Variants in RAI1 observed in about 807,000 individuals in gnomAD.
RAI1 encodes retinoic acid induced 1.
Under a neutral mutation model 123.8 loss-of-function variants are expected in RAI1, and 9 were observed. The ratio of observed to expected loss-of-function variants is 0.07; its 90% confidence interval spans 0.04 to 0.13. The LOEUF is 0.13. Among genes scored for constraint, RAI1 ranks in the 10% least tolerant of loss-of-function variants. RAI1 has a pLI of 1.00. For missense variants in RAI1, 2,256 were observed against 2,545.8 expected, an observed-to-expected ratio of 0.89 and a Z score of 2.45; for synonymous variants, 1,231 against 1,127.3, an observed-to-expected ratio of 1.09 and a Z score of -1.84.
chr17:17,792,154 T>C (rs935172317), intron 2 of RAI1, among the ~76,000 whole-genome samples: 1 of 152,142 alleles, frequency 6.6e-6, no homozygotes, highest in Non-Finnish European at 1.5e-5. Context: ...ACGTATGATA[T>C]CAAAAACAGG....
intron 1 of RAI1, among the ~76,000 whole-genome samples, chr17:17,716,692 T>C (rs1331184063): frequency 6.6e-6 from 1 of 152,026 alleles, no homozygotes; most frequent in African/African-American, 2.4e-5. Context: ...TGTTTTGTGT[T>C]GGGTGTGTCT....
In RAI1 at chr17:17,738,474, G is replaced by A. The variant is rs1189021723; in HGVS notation, c.-17+14315G>A. Among the ~76,000 whole-genome samples, 5 of 152,202 alleles carry A rather than the reference G, an allele frequency of 3.3e-5. No homozygotes were observed. The South Asian group carries it at 8.3e-4, about 25-fold the overall frequency. ...TGCGGTCAGGCTGGGAGGAGCCTCC[G>A]CCACCTGGGTGGTCCCTGCTGCCCT... On this transcript the variant is annotated intron_variant, in intron 2 of 5. Transcript: ENST00000353383.
intron 1 of RAI1, among the ~76,000 whole-genome samples, chr17:17,701,307 G>T (rs576443553): frequency 4.6e-5 from 7 of 152,316 alleles, no homozygotes; most frequent in Admixed American, 1.3e-4. Flanking sequence ...CTGCACTGCT[G>T]CCCTGAGCCT....
chr17:17,684,899 GCCATTTA>G (rs1040572923), intron 1 of RAI1: 4 of 152,078 alleles, frequency 2.6e-5, no homozygotes, highest in African/African-American at 9.7e-5. Context: ...TACTGAACAG[GCCATTTA>G]CCTCTCTGTG....
intron 2 of RAI1, among the ~76,000 whole-genome samples, chr17:17,788,005 C>A (rs932535752): frequency 2.6e-5 from 4 of 152,184 alleles, no homozygotes; most frequent in Admixed American, 1.3e-4. Context: ...AGGGCTCCCC[C>A]AACCTCAACT....
At position 17,810,256 on chromosome 17, in the gene RAI1, G is replaced by C. The variant is rs548320882; in HGVS notation, c.*275G>C. On this transcript the variant is annotated 3_prime_UTR_variant, in exon 6 of 6. Coordinates refer to ENST00000353383, the MANE Select transcript of RAI1 (RefSeq NM_030665.4). This position sits in a 1 kb window ranked among gnomAD's most constrained non-coding sequence, Gnocchi z 4.6. ...CACCCCAGGGGCCAGGCTTGCGGAG[G>C]GGGAGCCCGCGGAGCGGCCAGACTC... 2 of 514,374 alleles carry C rather than the reference G, an allele frequency of 3.9e-6. No individual in the cohort carries two copies. The highest frequency in any genetic ancestry group is 3.8e-5 in the Admixed American group (1 of 26,562). 31.9% of individuals were successfully genotyped at this position (514,374 alleles called of 1,614,324 possible). A position where few individuals can be genotyped will look rare whatever the true frequency, so the allele number is the denominator to read the frequency against.
rs1157307616 is a variant in RAI1 at position 17,796,784 on chromosome 17, C to A, written c.3836C>A (p.Ala1279Asp). 6.2e-7 allele frequency: 1 copy of A among 1,612,776 alleles called. No individual in the cohort carries two copies. Among genetic ancestry groups the A allele is most frequent in the Non-Finnish European group, 8.5e-7 (1 of 1,179,682 alleles). Residue 1279 changes from alanine (A) to aspartate (D), a missense_variant, in exon 3 of 6, where the codon GCC becomes GAC. Ala to Asp is a moderately radical substitution (Grantham distance 126, BLOSUM62 -2). Transcript: ENST00000353383. This position sits in a 1 kb window ranked among gnomAD's most constrained non-coding sequence, Gnocchi z 5.8. ...AAGAGGATGTCTTCTCCCAAGAAAG[C>A]CAAGCCCACCAAGGGCAATGGCGAG... is the stretch of plus-strand genomic sequence containing the variant. ...LFKRMSSPKKAKPTKGNGEPA... is the reference protein window; with the variant it reads ...LFKRMSSPKKDKPTKGNGEPA...
At chr17:17,742,266 C>G (rs1916662625) in intron 2 of RAI1, among the ~76,000 whole-genome samples, 1 of 152,248 alleles carries the variant, frequency 6.6e-6, no homozygotes, top group African/African-American at 2.4e-5. Flanking sequence ...AGCCTCTGAT[C>G]ATGGTTCCAG....
At chr17:17,705,850 C>G (rs899841792) in intron 1 of RAI1, among the ~76,000 whole-genome samples, 21 of 151,876 alleles carry the variant, frequency 1.4e-4, no homozygotes, top group African/African-American at 4.8e-4. Flanking sequence ...ATGGTGAAAC[C>G]CCCTCTCTAC....
rs74726615 is a variant in RAI1 at position 17,800,469 on chromosome 17, C to G, written c.5565+1956C>G. 6.6e-6 allele frequency among the ~76,000 whole-genome samples: 1 copy of G among 152,178 alleles called. No individual in the cohort carries two copies. The highest frequency in any genetic ancestry group is 1.5e-5 in the Non-Finnish European group (1 of 68,030). ...CACATCCCCTGCAGCCAGCACTGGC[C>G]GGCCGAAGGGAGGAGGGGTCAGCCC... On this transcript the variant is annotated intron_variant, in intron 3 of 5. Transcript: ENST00000353383. This position sits in a 1 kb window ranked among gnomAD's most constrained non-coding sequence, Gnocchi z 4.7.
chr17:17,747,935 T>G (rs529371055), intron 2 of RAI1, among the ~76,000 whole-genome samples: 139 of 152,118 alleles, frequency 9.1e-4, no homozygotes, highest in Middle Eastern at 3.4e-3. Flanking sequence ...CATGGTGGAG[T>G]GTGCCTGTGG....
At chr17:17,716,375 A>G (rs1447290737) in intron 1 of RAI1, among the ~76,000 whole-genome samples, 1 of 152,262 alleles carries the variant, frequency 6.6e-6, no homozygotes. Flanking sequence ...TTGCATGTGC[A>G]TGTGTCATTT....
intron 4 of RAI1, among the ~76,000 whole-genome samples, chr17:17,808,456 T>C (rs11651293): frequency 0.012 from 1,254 of 106,436 alleles, 25 homozygotes; most frequent in African/African-American, 0.036. Flanking sequence ...TATTTTATTT[T>C]ATTTCATCTC....
At chr17:17,772,962 G>C (rs2031209983) in intron 2 of RAI1, among the ~76,000 whole-genome samples, 1 of 151,676 alleles carries the variant, frequency 6.6e-6, no homozygotes, top group Non-Finnish European at 1.5e-5. Context: ...GCTGGTGAGT[G>C]GATGGATGGG....
At chr17:17,692,075 C>G (rs1464707262) in intron 1 of RAI1, among the ~76,000 whole-genome samples, 1 of 152,212 alleles carries the variant, frequency 6.6e-6, no homozygotes, top group Admixed American at 6.5e-5. Flanking sequence ...TTGAGTGGCT[C>G]TCTTCTTGAC....
At chr17:17,735,403 G>T (rs1292991113) in intron 2 of RAI1, among the ~76,000 whole-genome samples, 3 of 148,638 alleles carry the variant, frequency 2.0e-5, no homozygotes, top group Non-Finnish European at 3.0e-5. Flanking sequence ...ACCCAGGCTG[G>T]AGTGCAGTGG....
chr17:17,787,041 CA>C (rs977249467), intron 2 of RAI1, among the ~76,000 whole-genome samples: 2 of 152,148 alleles, frequency 1.3e-5, no homozygotes, highest in Admixed American at 6.5e-5. Context: ...AACTCTGTCT[CA>C]AAAAAACAAA....
In RAI1 at chr17:17,714,262, G is replaced by T. The variant is rs2142910946; in HGVS notation, c.-148-9766G>T. Among the ~76,000 whole-genome samples, 1 of 152,010 alleles carries T rather than the reference G, an allele frequency of 6.6e-6. No homozygotes were observed. Among genetic ancestry groups the T allele is most frequent in the East Asian group, 1.9e-4 (1 of 5,180 alleles). On this transcript the variant is annotated intron_variant, in intron 1 of 5. Transcript: ENST00000353383. The surrounding 1 kb of genome is among the most constrained non-coding windows in gnomAD (Gnocchi z 4.9). Reference sequence around the variant, plus strand: ...TCCCAGGCCTCTCCCTGCCTACCTTGGCCACTGGGAGGTTCTGAAGAGACT... The same window carrying T: ...TCCCAGGCCTCTCCCTGCCTACCTTTGCCACTGGGAGGTTCTGAAGAGACT...
At chr17:17,763,185 A>T (rs1437143799) in intron 2 of RAI1, among the ~76,000 whole-genome samples, 1 of 152,126 alleles carries the variant, frequency 6.6e-6, no homozygotes, top group Non-Finnish European at 1.5e-5. Flanking sequence ...CAGCCCCTGG[A>T]AGTAGAGAAG....
Sources: allele counts gnomAD v4.1 joint callset (sites outside exome capture counted in the v4.1 genomes callset), GRCh38; gene constraint gnomAD v4.1.1; non-coding constraint Gnocchi (gnomAD v3.1); transcripts MANE v1.5; gene names NCBI Gene and HGNC (gene_info 2026-07-23, HGNC 2026-07-21).